SLC25A16: variants seen among roughly 807,000 people sequenced by gnomAD.
SLC25A16 encodes the protein mitochondrial coenzyme A transporter SLC25A16.
In SLC25A16, 39 loss-of-function variants were observed where a neutral mutation model predicts 41.5. That is an observed-to-expected ratio of 0.94 (90% confidence interval 0.73 to 1.23). SLC25A16 has a LOEUF of 1.23. SLC25A16 is among the 50% of genes most tolerant of loss of function. The pLI is 0.00. For missense variants in SLC25A16, 421 were observed against 426.9 expected, an observed-to-expected ratio of 0.99 and a Z score of 0.12; for synonymous variants, 146 against 147.8, an observed-to-expected ratio of 0.99 and a Z score of 0.09.
intron 8 of SLC25A16, among the ~76,000 whole-genome samples, chr10:68,486,218 CAAA>C (rs1397261235): frequency 6.0e-5 from 3 of 49,912 alleles, no homozygotes; most frequent in South Asian, 6.4e-4. Flanking sequence ...GACTTTGTCT[CAAA>C]AAAACAAAAC....
chr10:68,510,022 A>G (rs1461087624), intron 2 of SLC25A16, among the ~76,000 whole-genome samples: 1 of 151,976 alleles, frequency 6.6e-6, no homozygotes, highest in Non-Finnish European at 1.5e-5. Context: ...GGTTGCAGTG[A>G]GCCGAGATCG....
chr10:68,521,258 G>A (rs1045638499), intron 1 of SLC25A16, among the ~76,000 whole-genome samples: 4 of 152,048 alleles, frequency 2.6e-5, no homozygotes, highest in Admixed American at 6.6e-5. Context: ...ATTAAAACCG[G>A]CCGGCTGTGG....
chr10:68,498,568 T>C (rs1209723117), intron 4 of SLC25A16, among the ~76,000 whole-genome samples: 1 of 152,174 alleles, frequency 6.6e-6, no homozygotes, highest in Non-Finnish European at 1.5e-5. Context: ...TGATGGCATG[T>C]GCCTGCAGTC....
intron 2 of SLC25A16, among the ~76,000 whole-genome samples, chr10:68,512,353 A>ATGAAGATAG (rs2053078321): frequency 1.4e-5 from 2 of 142,722 alleles, no homozygotes; most frequent in African/African-American, 5.4e-5. Flanking sequence ...GATAAATGAT[A>ATGAAGATAG]TTGGCCGGGC....
At chr10:68,515,692 G>A (rs2053150350) in intron 2 of SLC25A16, among the ~76,000 whole-genome samples, 1 of 152,070 alleles carries the variant, frequency 6.6e-6, no homozygotes, top group Non-Finnish European at 1.5e-5. Context: ...CAGCTACTAG[G>A]GAGGCTGAGG....
intron 4 of SLC25A16, among the ~76,000 whole-genome samples, chr10:68,498,640 A>T (rs2052791400): frequency 6.6e-6 from 1 of 152,202 alleles, no homozygotes; most frequent in African/African-American, 2.4e-5. Flanking sequence ...AGGCTGCAGT[A>T]ACTATCATCT....
At chr10:68,501,145 G>A (rs1174103042) in intron 4 of SLC25A16, among the ~76,000 whole-genome samples, 2 of 151,644 alleles carry the variant, frequency 1.3e-5, no homozygotes, top group African/African-American at 4.9e-5. Flanking sequence ...CAGCTACTCG[G>A]GAAGCTGAGA....
chr10:68,493,543 G>A lies in SLC25A16; in HGVS notation c.449C>T (p.Pro150Leu). 1 of 1,613,054 alleles carries A rather than the reference G, an allele frequency of 6.2e-7. No individual in the cohort carries two copies. Among genetic ancestry groups the A allele is most frequent in the Non-Finnish European group, 8.5e-7 (1 of 1,179,184 alleles). Residue 150 changes from proline (P) to leucine (L), a missense_variant, in exon 5 of 9, where the codon CCT (proline) becomes CTT (leucine). Physicochemically the swap from Pro to Leu is moderately conservative, Grantham distance 98. Transcript: ENST00000609923. Reference sequence around the variant, plus strand: ...TAGGCGGACCCTAACCATGTCAAGAGGGTAAGTACAGATAACTGCTGTCAT... The same window carrying A: ...TAGGCGGACCCTAACCATGTCAAGAAGGTAAGTACAGATAACTGCTGTCAT... The part of the protein sequence containing the change: ...AGMTAVICTY[P>L]LDMVRVRLAF...
Position 68,488,553 on chromosome 10 carries a change from T to G in SLC25A16, c.687A>C (p.Ser229=). ...AAACTAAGACATTAGGATTGTCTGA[T>G]GAAGGTCTGCCAAGAAGGGTAGGAG... ...SHAPTLLGRP[S]SDNPNVLVLK... is the part of the protein sequence containing the mutation. The change falls in exon 7 of 9, where the codon TCA becomes TCC. Residue 229 remains serine, a synonymous_variant. Transcript: ENST00000609923. 1 of 1,603,124 alleles carries G rather than the reference T, an allele frequency of 6.2e-7. No individual in the cohort carries two copies. The highest frequency in any genetic ancestry group is 1.7e-4 in the Middle Eastern group (1 of 6,010).
At chr10:68,484,374 T>C (rs921758470) in intron 8 of SLC25A16, among the ~76,000 whole-genome samples, 1 of 152,066 alleles carries the variant, frequency 6.6e-6, no homozygotes, top group Admixed American at 6.6e-5. Context: ...TAATTTGGGC[T>C]TGGGCTTTCC....
intron 6 of SLC25A16, among the ~76,000 whole-genome samples, chr10:68,490,504 G>A (rs1306787216): frequency 6.6e-6 from 1 of 151,922 alleles, no homozygotes; most frequent in African/African-American, 2.4e-5. Flanking sequence ...CACCACGCCT[G>A]GCTAATTTTT....
At chr10:68,486,275 T>C (rs1428718828) in intron 8 of SLC25A16, among the ~76,000 whole-genome samples, 1 of 151,404 alleles carries the variant, frequency 6.6e-6, no homozygotes, top group African/African-American at 2.4e-5. Context: ...TATTTTTTTT[T>C]ATAGAGACAA....
At chr10:68,527,144 G>A in intron 1 of SLC25A16, 102 bp downstream of exon 1, 2 of 1,240,786 alleles carry the variant, frequency 1.6e-6, no homozygotes, top group South Asian at 2.9e-5. Context: ...CATTGAAGCA[G>A]CCAGAGTCCA....
intron 4 of SLC25A16, among the ~76,000 whole-genome samples, 185 bp from the exon 5 acceptor site, chr10:68,493,755 T>C (rs2052702303): frequency 6.6e-6 from 1 of 152,200 alleles, no homozygotes. Context: ...AAGGGTCAGT[T>C]TGTAAAAAAT....
At chr10:68,508,087 C>A (rs2052987863) in intron 2 of SLC25A16, among the ~76,000 whole-genome samples, 1 of 151,962 alleles carries the variant, frequency 6.6e-6, no homozygotes, top group Admixed American at 6.6e-5. Flanking sequence ...AAAAATTAGG[C>A]AGGCATGGTG....
Position 68,479,501 on chromosome 10 carries a change from T to C in SLC25A16, c.*3931A>G, listed in dbSNP as rs2052461333. 1 of 152,186 alleles carries C rather than the reference T, an allele frequency of 6.6e-6. No individual in the cohort carries two copies. Among genetic ancestry groups the C allele is most frequent in the East Asian group, 1.9e-4 (1 of 5,192 alleles). 9.4% of individuals were successfully genotyped at this position (152,186 alleles called of 1,614,324 possible). ...TGGTGCTGAATAAATGGATGGTCAG[T>C]ACCACGGTGAAGAATGGAATGAGGA... On this transcript the variant is annotated 3_prime_UTR_variant, in exon 9 of 9. Transcript: ENST00000609923.
chr10:68,508,406 A>G (rs1434767753), intron 2 of SLC25A16, among the ~76,000 whole-genome samples: 2 of 89,436 alleles, frequency 2.2e-5, no homozygotes, highest in African/African-American at 4.6e-5. Context: ...GAAGCTTTAA[A>G]AAAAAAAAAA....
At chr10:68,524,729 T>C (rs1280859962) in intron 1 of SLC25A16, among the ~76,000 whole-genome samples, 1 of 125,530 alleles carries the variant, frequency 8.0e-6, no homozygotes, top group East Asian at 2.3e-4. Context: ...AAAAAAAAAA[T>C]TAACTGGGCA....
chr10:68,486,717 C>CCAGG (rs755727256), intron 8 of SLC25A16, among the ~76,000 whole-genome samples: 4 of 151,458 alleles, frequency 2.6e-5, no homozygotes, highest in Non-Finnish European at 5.9e-5. Context: ...TGATTATAGA[C>CCAGG]CAGGCAGGCA....
Sources: allele counts gnomAD v4.1 joint callset (sites outside exome capture counted in the v4.1 genomes callset), GRCh38; gene constraint gnomAD v4.1.1; transcripts MANE v1.5; gene names NCBI Gene and HGNC (gene_info 2026-07-23, HGNC 2026-07-21).